The following ADAMTS16 variants were observed in gnomAD, a reference collection of about 807,000 sequenced individuals.
ADAMTS16 encodes A disintegrin and metalloproteinase with thrombospondin motifs 16.
Under a neutral mutation model 145.8 loss-of-function variants are expected in ADAMTS16, and 94 were observed. That is an observed-to-expected ratio of 0.64 (90% CI 0.55 to 0.77). The LOEUF is 0.77. ADAMTS16 is among the 30% of genes least tolerant of loss of function. ADAMTS16 has a pLI of 0.00. For missense variants in ADAMTS16, 1,585 were observed against 1,591.5 expected (o/e 1.00, Z 0.07); for synonymous variants, 659 against 604.3 (o/e 1.09, Z -1.33).
chr5:5,239,791 C>T lies in ADAMTS16; in HGVS notation c.2389C>T (p.Leu797=), dbSNP rs563294132. The change falls in exon 16 of 23, where the codon CTG becomes TTG. Residue 797 remains leucine, a synonymous_variant. Coordinates refer to ENST00000274181, the MANE Select transcript of ADAMTS16 (RefSeq NM_139056.4). The part of the protein sequence containing the change: ...SVRNALRRYY[L]NGHWTVDWPG... The stretch of plus-strand genomic sequence containing the variant: ...GCGCAATGCCCTCAGAAGGTACTAC[C>T]TGAATGGGCACTGGACCGTGGACTG... 1.7e-5 allele frequency: 27 copies of T among 1,613,996 alleles called. No homozygotes were observed. Among genetic ancestry groups the T allele is most frequent in the Non-Finnish European group, 2.3e-5 (27 of 1,180,042 alleles).
At position 5,190,095 on chromosome 5, in the gene ADAMTS16, T is replaced by C. The variant is rs1384734743; in HGVS notation, c.1172T>C (p.Ile391Thr). 3 of 1,607,566 alleles carry C rather than the reference T, an allele frequency of 1.9e-6. No individual in the cohort carries two copies. Among genetic ancestry groups the C allele is most frequent in the Non-Finnish European group, 2.5e-6 (3 of 1,177,194 alleles). The part of the protein sequence containing the change: ...DHAILLTGLD[I>T]CSWKNEPCDT... The stretch of plus-strand genomic sequence containing the variant: ...GCCATCTTACTGACTGGTCTGGATA[T>C]ATGTTCCTGGAAGAATGAGCCCTGT... The change falls in exon 7 of 23, where the codon ATA becomes ACA. Residue 391 changes from isoleucine (I) to threonine (T), a missense_variant. Physicochemically the swap from Ile to Thr is moderately conservative, Grantham distance 89 (BLOSUM62 -1). Transcript: ENST00000274181.
chr5:5,224,169 T>C (rs902457161), intron 11 of ADAMTS16, among the ~76,000 whole-genome samples: 2 of 152,184 alleles, frequency 1.3e-5, no homozygotes, highest in Non-Finnish European at 2.9e-5. Context: ...GCTTTTTTTT[T>C]CAGTTCCTCG....
chr5:5,158,431 G>A (rs1194580059), intron 3 of ADAMTS16, among the ~76,000 whole-genome samples: 1 of 152,152 alleles, frequency 6.6e-6, no homozygotes, highest in Non-Finnish European at 1.5e-5. Flanking sequence ...TATCTACAGA[G>A]GGAGTGCATT....
chr5:5,230,600 C>T (rs1351323825), intron 11 of ADAMTS16, among the ~76,000 whole-genome samples: 2 of 152,092 alleles, frequency 1.3e-5, no homozygotes, highest in Non-Finnish European at 2.9e-5. Flanking sequence ...TTCAAGGGCT[C>T]CTGTACTATT....
intron 18 of ADAMTS16, among the ~76,000 whole-genome samples, chr5:5,296,786 A>T (rs1332663961): frequency 1.3e-5 from 2 of 152,140 alleles, no homozygotes; most frequent in Non-Finnish European, 2.9e-5. Context: ...AAGAGGAGGG[A>T]GTTACCTCTT....
At position 5,186,297 on chromosome 5, in the gene ADAMTS16, G is replaced by A. The variant is rs754044709; in HGVS notation, c.963+46G>A. On this transcript the variant is annotated intron_variant, in intron 5 of 22. Coordinates refer to ENST00000274181, the MANE Select transcript of ADAMTS16 (RefSeq NM_139056.4). ...GAGGCCACCTGTGTCATTGCACTTC[G>A]TAGGGTGTGTGTGTGTGTGTGTGTG... 5.1e-5 allele frequency: 75 copies of A among 1,458,300 alleles called. 1 individual carries two copies. The highest frequency in any genetic ancestry group is 3.7e-4 in the South Asian group (32 of 85,782). The allele number at this position is 1,458,300 out of a possible 1,614,324, so 90.3% of individuals were successfully genotyped here. A position where few individuals can be genotyped will look rare whatever the true frequency, so the allele number is the denominator to read the frequency against.
chr5:5,216,584 G>A (rs1736447038), intron 10 of ADAMTS16, among the ~76,000 whole-genome samples: 1 of 149,370 alleles, frequency 6.7e-6, no homozygotes, highest in Non-Finnish European at 1.5e-5. Flanking sequence ...TGGGTTCTTG[G>A]TCATGAAATT....
At chr5:5,196,124 G>C (rs1394427277) in intron 8 of ADAMTS16, among the ~76,000 whole-genome samples, 1 of 151,288 alleles carries the variant, frequency 6.6e-6, no homozygotes, top group African/African-American at 2.4e-5. Flanking sequence ...TACTCAGGAG[G>C]CTGAGGCAGA....
chr5:5,203,614 T>C (rs1736013690), intron 9 of ADAMTS16, among the ~76,000 whole-genome samples: 2 of 152,198 alleles, frequency 1.3e-5, no homozygotes, highest in African/African-American at 4.8e-5. Flanking sequence ...ACCTAGTCAA[T>C]AAAGTCATGT....
intron 21 of ADAMTS16, among the ~76,000 whole-genome samples, chr5:5,314,395 T>A (rs1391552472): frequency 6.6e-6 from 1 of 152,154 alleles, no homozygotes; most frequent in Admixed American, 6.5e-5. Context: ...AGGCTCCAGG[T>A]GATTTTTAGG....
chr5:5,298,928 A>G (rs1224856021), intron 18 of ADAMTS16, among the ~76,000 whole-genome samples: 1 of 152,172 alleles, frequency 6.6e-6, no homozygotes, highest in Non-Finnish European at 1.5e-5. Context: ...GTTGTGACCC[A>G]TACAGCAGCT....
intron 4 of ADAMTS16, among the ~76,000 whole-genome samples, chr5:5,184,344 C>T (rs957069578): frequency 1.3e-5 from 2 of 149,848 alleles, no homozygotes; most frequent in South Asian, 2.1e-4. Flanking sequence ...GCACTGTCAC[C>T]GATGCATGGA....
At chr5:5,185,578 G>C (rs1417093108) in intron 4 of ADAMTS16, among the ~76,000 whole-genome samples, 1 of 152,216 alleles carries the variant, frequency 6.6e-6, no homozygotes, top group African/African-American at 2.4e-5. Context: ...AGACAAGCTA[G>C]TTATGTGTCC....
intron 3 of ADAMTS16, among the ~76,000 whole-genome samples, chr5:5,150,536 C>G (rs1369103351): frequency 6.6e-6 from 1 of 152,202 alleles, no homozygotes; most frequent in Non-Finnish European, 1.5e-5. Context: ...GGGTTTTATA[C>G]CCGGGCACAT....
rs77356599 is a variant in ADAMTS16, at chr5:5,317,214, C to T, written c.3412-920C>T. Among the ~76,000 whole-genome samples, 1,693 of 152,190 alleles carry T rather than the reference C, an allele frequency of 0.011. 22 individuals carry two copies. The highest frequency in any genetic ancestry group is 0.054 in the East Asian group (276 of 5,158). ...TCAGCAACCGTGTTCTCTGAAATAC[C>T]GTAAATAGAAACCAAGATGTTAAGT... On this transcript the variant is annotated intron_variant, in intron 21 of 22. Transcript: ENST00000274181. This position sits in a 1 kb window ranked among gnomAD's most constrained non-coding sequence, Gnocchi z 4.5.
At position 5,191,788 on chromosome 5, in the gene ADAMTS16, C is replaced by T. The variant is rs1357671199; in HGVS notation, c.1311C>T (p.His437=). The T allele has an allele frequency of 6.2e-7, 1 of 1,606,302 alleles. No individual in the cohort carries two copies. The highest frequency in any genetic ancestry group is 8.5e-7 in the Non-Finnish European group (1 of 1,176,164). The part of the protein sequence containing the change: ...LAFTIAHESG[H]NFGMIHDGEG... ...TCACCATTGCCCATGAGTCTGGACA[C>T]AAGTAAGTGCATCTCCATGGGAGGA... The change falls in exon 8 of 23, where the codon CAC becomes CAT. Residue 437 remains histidine (H), a splice_region_variant and synonymous_variant. Transcript: ENST00000274181.
intron 17 of ADAMTS16, among the ~76,000 whole-genome samples, chr5:5,258,043 G>A (rs1350528824): frequency 3.3e-5 from 5 of 152,206 alleles, no homozygotes; most frequent in Non-Finnish European, 5.9e-5. Flanking sequence ...CCGAGCACAG[G>A]AGCGTTTGAC....
intron 11 of ADAMTS16, among the ~76,000 whole-genome samples, chr5:5,230,865 C>A (rs1736900333): frequency 6.6e-6 from 1 of 152,194 alleles, no homozygotes; most frequent in Non-Finnish European, 1.5e-5. Context: ...TGACCTCATT[C>A]TGGGGCTTCG....
intron 3 of ADAMTS16, among the ~76,000 whole-genome samples, chr5:5,177,801 A>G (rs1177013266): frequency 6.6e-6 from 1 of 152,188 alleles, no homozygotes; most frequent in Non-Finnish European, 1.5e-5. Flanking sequence ...GATAATTAAA[A>G]TGCATCTTTC....
Sources: gnomAD v4.1 joint callset for allele counts (sites outside exome capture counted in the v4.1 genomes callset) on GRCh38, gnomAD v4.1.1 for gene constraint, Gnocchi (gnomAD v3.1) non-coding constraint, MANE v1.5 for transcripts, NCBI Gene and HGNC (gene_info 2026-07-23, HGNC 2026-07-21) for gene names.